Variants in PACSIN2 observed in about 807,000 individuals in gnomAD.
PACSIN2 encodes protein kinase C and casein kinase substrate in neurons 2.
A neutral mutation model predicts 63.8 loss-of-function variants in PACSIN2; 25 were observed. The observed-to-expected ratio is 0.39, with a 90% confidence interval of 0.29 to 0.55. The LOEUF (loss-of-function observed/expected upper bound fraction) is 0.55. PACSIN2 is among the 20% of genes least tolerant of loss of function. The pLI is 0.62. For synonymous variants in PACSIN2, 255 were observed against 256.2 expected, an observed-to-expected ratio of 1.00 and a Z score of 0.05; for missense variants, 518 against 646.9, an observed-to-expected ratio of 0.80 and a Z score of 2.16.
At chr22:43,001,426 G>C (rs1478870717) in intron 1 of PACSIN2, among the ~76,000 whole-genome samples, 2 of 152,228 alleles carry the variant, frequency 1.3e-5, no homozygotes, top group Non-Finnish European at 2.9e-5. Context: ...TTCCACACTT[G>C]TGATAAAAAT....
chr22:42,919,273 T>C (rs1304926714), intron 1 of PACSIN2, among the ~76,000 whole-genome samples: 1 of 152,198 alleles, frequency 6.6e-6, no homozygotes, highest in Non-Finnish European at 1.5e-5. Flanking sequence ...TGTCCTTGTC[T>C]GTAAGGCAGT....
chr22:42,939,461 G>A (rs890333856), intron 1 of PACSIN2, among the ~76,000 whole-genome samples: 1 of 152,194 alleles, frequency 6.6e-6, no homozygotes, highest in Admixed American at 6.5e-5. Context: ...TTTGAAAGAA[G>A]AATGATTGGA....
chr22:42,918,611 C>T (rs1931961753), intron 1 of PACSIN2, among the ~76,000 whole-genome samples: 2 of 152,216 alleles, frequency 1.3e-5, no homozygotes, highest in African/African-American at 2.4e-5. Flanking sequence ...TCAACCCAGA[C>T]CATCAGACTC....
At chr22:42,956,903 A>G (rs1380576924) in intron 1 of PACSIN2, among the ~76,000 whole-genome samples, 1 of 152,240 alleles carries the variant, frequency 6.6e-6, no homozygotes, top group Non-Finnish European at 1.5e-5. Context: ...AGCATATCAA[A>G]TGTTACTTAT....
At chr22:42,919,882 C>T (rs1262566973) in intron 1 of PACSIN2, among the ~76,000 whole-genome samples, 2 of 150,158 alleles carry the variant, frequency 1.3e-5, no homozygotes, top group Non-Finnish European at 3.0e-5. Flanking sequence ...TTTGAAAGGC[C>T]AAAGCAGGTG....
At chr22:42,939,249 T>C (rs1431757783) in intron 1 of PACSIN2, among the ~76,000 whole-genome samples, 2 of 152,192 alleles carry the variant, frequency 1.3e-5, no homozygotes, top group Admixed American at 1.3e-4. Flanking sequence ...CAGCAATATT[T>C]TTTTAGCCTC....
chr22:42,966,139 A>C (rs1301839424), intron 1 of PACSIN2, among the ~76,000 whole-genome samples: 1 of 152,224 alleles, frequency 6.6e-6, no homozygotes, highest in African/African-American at 2.4e-5. Flanking sequence ...TGGGAGGCTG[A>C]GGCAGGCGGA....
At chr22:43,007,727 A>G (rs1178183744) in intron 1 of PACSIN2, among the ~76,000 whole-genome samples, 1 of 152,222 alleles carries the variant, frequency 6.6e-6, no homozygotes, top group Non-Finnish European at 1.5e-5. Flanking sequence ...CAATGAAAAG[A>G]GAAGTTTCCA....
chr22:42,934,501 C>T (rs1026219927), intron 1 of PACSIN2, among the ~76,000 whole-genome samples: 2 of 152,266 alleles, frequency 1.3e-5, no homozygotes, highest in East Asian at 3.8e-4. Context: ...GGGGCCTCCC[C>T]ACTCTGGCTT....
chr22:42,918,431 C>T (rs543622974), intron 1 of PACSIN2, among the ~76,000 whole-genome samples: 18 of 152,192 alleles, frequency 1.2e-4, no homozygotes, highest in Non-Finnish European at 1.9e-4. Context: ...CTACTCAGTA[C>T]CTCTCAGCAC....
intron 1 of PACSIN2, among the ~76,000 whole-genome samples, chr22:42,978,654 T>C (rs966027416): frequency 1.3e-5 from 2 of 152,178 alleles, no homozygotes; most frequent in Admixed American, 1.3e-4. Flanking sequence ...TTTCTGGAGT[T>C]CCTATGAATG....
chr22:42,943,028 T>A (rs147612494), intron 1 of PACSIN2, among the ~76,000 whole-genome samples: 1 of 152,238 alleles, frequency 6.6e-6, no homozygotes, highest in African/African-American at 2.4e-5. Flanking sequence ...TCCATGGATG[T>A]AGGATCTCTT....
At chr22:42,916,320 C>A (rs1045240260) in intron 1 of PACSIN2, among the ~76,000 whole-genome samples, 1 of 148,750 alleles carries the variant, frequency 6.7e-6, no homozygotes, top group Admixed American at 6.9e-5. Context: ...AGAATCTGCA[C>A]CACAAAGAAA....
At chr22:42,963,307 A>G (rs757711872) in intron 1 of PACSIN2, among the ~76,000 whole-genome samples, 1 of 152,208 alleles carries the variant, frequency 6.6e-6, no homozygotes, top group African/African-American at 2.4e-5. Context: ...AACCATGTGG[A>G]TTAAGGCGGA....
chr22:43,012,154 AATAC>A (rs71311476), intron 1 of PACSIN2, among the ~76,000 whole-genome samples: 31,843 of 133,590 alleles, frequency 0.24, 3,636 homozygotes, highest in Admixed American at 0.29. Context: ...AAAATAAATA[AATAC>A]ATACATACAT....
intron 1 of PACSIN2, among the ~76,000 whole-genome samples, chr22:42,968,521 T>C (rs932311871): frequency 5.3e-5 from 8 of 152,184 alleles, no homozygotes; most frequent in African/African-American, 1.7e-4. Flanking sequence ...GCATGTGTCA[T>C]GGTTAGTTTT....
chr22:42,976,842 G>A (rs1000937217), intron 1 of PACSIN2, among the ~76,000 whole-genome samples: 1 of 152,194 alleles, frequency 6.6e-6, no homozygotes, highest in Admixed American at 6.5e-5. Context: ...AGCTCAGGGA[G>A]ATTAACTAAT....
chr22:42,978,995 A>G (rs566144801), intron 1 of PACSIN2, among the ~76,000 whole-genome samples: 24 of 152,146 alleles, frequency 1.6e-4, no homozygotes, highest in Non-Finnish European at 3.1e-4. Context: ...TGACCTCAGA[A>G]CTCTGACCAG....
intron 1 of PACSIN2, among the ~76,000 whole-genome samples, chr22:42,934,711 T>A (rs974798022): frequency 6.6e-6 from 1 of 152,202 alleles, no homozygotes; most frequent in African/African-American, 2.4e-5. Flanking sequence ...AGTTCCTCTA[T>A]GGTGCCATTA....
Sources: allele counts gnomAD v4.1 joint callset (sites outside exome capture counted in the v4.1 genomes callset), GRCh38; gene constraint gnomAD v4.1.1; transcripts MANE v1.5; gene names NCBI Gene and HGNC (gene_info 2026-07-23, HGNC 2026-07-21).